LRGUK: variants seen among roughly 807,000 people sequenced by gnomAD.
LRGUK encodes the protein leucine rich repeats and guanylate kinase domain containing.
Under a neutral mutation model 76.0 loss-of-function variants are expected in LRGUK, and 65 were observed. The observed-to-expected ratio is 0.85, with a 90% confidence interval of 0.70 to 1.05. LRGUK has a LOEUF of 1.05. LRGUK is among the 50% of genes least tolerant of loss of function. The probability of loss-of-function intolerance (pLI) is 0.00; values close to 1 mark genes in which losing one functional copy is unlikely to be tolerated. For synonymous variants in LRGUK, 268 were observed against 265.6 expected (o/e 1.01, Z -0.09); for missense variants, 758 against 732.8 (o/e 1.03, Z -0.40).
chr7:134,251,326 T>C (rs1415977591), intron 18 of LRGUK, among the ~76,000 whole-genome samples: 1 of 152,092 alleles, frequency 6.6e-6, no homozygotes, highest in Non-Finnish European at 1.5e-5. Context: ...ATTGGGGTGA[T>C]GGGGCAGAAG....
exon 16 of LRGUK, chr7:134,208,808 C>T: frequency 2.5e-6 from 1 of 399,040 alleles, no homozygotes; most frequent in Non-Finnish European, 4.4e-6. Context: ...GATGACAGAG[C>T]ATCTCTCTGG....
intron 10 of LRGUK, among the ~76,000 whole-genome samples, chr7:134,178,934 A>AAAAAAAAAAAAAAAAAAAAAAACC (rs376955591): frequency 1.3e-5 from 1 of 78,134 alleles, no homozygotes. Flanking sequence ...CTCAAAAAAA[A>AAAAAAAAAAAAAAAAAAAAAAACC]AAAAAAAAAA....
At chr7:134,150,454 TC>T (rs1798168389) in intron 5 of LRGUK, among the ~76,000 whole-genome samples, 1 of 144,304 alleles carries the variant, frequency 6.9e-6, no homozygotes, top group Non-Finnish European at 1.5e-5. Context: ...GAGCGAGACT[TC>T]GTCTCAAAAC....
At chr7:134,129,249 CCTCT>C (rs1007867284) in intron 1 of LRGUK, among the ~76,000 whole-genome samples, 190 of 132,454 alleles carry the variant, frequency 1.4e-3, no homozygotes, top group Non-Finnish European at 2.4e-3. Context: ...TCCCTCCCTC[CCTCT>C]CTCTCTCCCT....
chr7:134,147,139 G>A (rs559119209), intron 4 of LRGUK, among the ~76,000 whole-genome samples: 1 of 152,060 alleles, frequency 6.6e-6, no homozygotes, highest in East Asian at 1.9e-4. Flanking sequence ...TAGGCCGGGC[G>A]CAGTGGCTCA....
downstream of LRGUK, among the ~76,000 whole-genome samples, chr7:134,268,059 G>C (rs1276985720): frequency 2.6e-5 from 4 of 152,136 alleles, no homozygotes; most frequent in East Asian, 7.7e-4. Context: ...TCTTAAATCA[G>C]TAAGCTCCTA....
chr7:134,133,631 CT>C (rs1307207013), intron 1 of LRGUK, among the ~76,000 whole-genome samples: 1 of 152,132 alleles, frequency 6.6e-6, no homozygotes, highest in African/African-American at 2.4e-5. Flanking sequence ...TTTTTTCCCC[CT>C]GATGAATGAG....
intron 2 of LRGUK, among the ~76,000 whole-genome samples, chr7:134,138,376 CT>C (rs1563137374): frequency 6.6e-6 from 1 of 152,164 alleles, no homozygotes; most frequent in Non-Finnish European, 1.5e-5. Context: ...ACTGAATACA[CT>C]TTCTTAGAGT....
chr7:134,156,386 T>C (rs1306630742), intron 5 of LRGUK, among the ~76,000 whole-genome samples: 1 of 152,206 alleles, frequency 6.6e-6, no homozygotes, highest in African/African-American at 2.4e-5. Flanking sequence ...CATTTTCACT[T>C]ATTTGTGTAT....
exon 1 of LRGUK, chr7:134,127,558 A>T (rs1215123805): frequency 6.8e-6 from 11 of 1,614,212 alleles, no homozygotes; most frequent in Non-Finnish European, 9.3e-6. Context: ...CTGCTCCAGC[A>T]GCTCATGCAC....
At chr7:134,262,297 C>A (rs1463814443) in intron 19 of LRGUK, among the ~76,000 whole-genome samples, 1 of 152,186 alleles carries the variant, frequency 6.6e-6, no homozygotes, top group East Asian at 1.9e-4. Flanking sequence ...TCACTTGAAC[C>A]CGGTAGGCGG....
intron 4 of LRGUK, 42 bp downstream of exon 4, chr7:134,143,204 C>A: frequency 1.7e-6 from 2 of 1,179,470 alleles, no homozygotes; most frequent in Non-Finnish European, 2.5e-6. Flanking sequence ...AAGGGGTTTG[C>A]AAAAGTGCAT....
At chr7:134,164,159 A>G (rs1798875175) in intron 7 of LRGUK, among the ~76,000 whole-genome samples, 1 of 152,246 alleles carries the variant, frequency 6.6e-6, no homozygotes, top group African/African-American at 2.4e-5. Flanking sequence ...AGCTAGATTT[A>G]GCCATCCTAC....
intron 10 of LRGUK, among the ~76,000 whole-genome samples, chr7:134,182,960 A>C (rs979467865): frequency 6.6e-6 from 1 of 152,100 alleles, no homozygotes; most frequent in African/African-American, 2.4e-5. Flanking sequence ...GAGTTTCTTC[A>C]TGTTGTTCAG....
chr7:134,194,594 A>T (rs113480675), intron 12 of LRGUK, among the ~76,000 whole-genome samples: 22 of 152,238 alleles, frequency 1.4e-4, no homozygotes, highest in Non-Finnish European at 2.9e-4. Context: ...ATAAAGAATT[A>T]GCCTGGTGTA....
At chr7:134,210,603 C>T (rs1166579848), downstream of LRGUK, among the ~76,000 whole-genome samples, 2 of 152,140 alleles carry the variant, frequency 1.3e-5, no homozygotes, top group African/African-American at 2.4e-5. Flanking sequence ...CCTGCGGAGT[C>T]GCTACAGGAT....
At chr7:134,251,873 T>C (rs1053377709) in intron 18 of LRGUK, among the ~76,000 whole-genome samples, 4 of 152,176 alleles carry the variant, frequency 2.6e-5, no homozygotes. Context: ...ACTTTCCCAA[T>C]GCAGGAAGTA....
chr7:134,190,947 G>GAGCAGTTC (rs1166987204), intron 11 of LRGUK, among the ~76,000 whole-genome samples: 15 of 39,354 alleles, frequency 3.8e-4, no homozygotes, highest in South Asian at 6.7e-4. Flanking sequence ...GTTGAGCGGT[G>GAGCAGTTC]TGGTGGGATG....
chr7:134,237,329 A>C lies in LRGUK; in HGVS notation c.1984-10227A>C, dbSNP rs374635992. ...GGGCCTCCCAAAGTGCTGGGATTACAGGGGTGAGCCACCACACCCAGCTAA... is the reference window on the plus strand; with the variant it reads ...GGGCCTCCCAAAGTGCTGGGATTACCGGGGTGAGCCACCACACCCAGCTAA... On this transcript the variant is annotated intron_variant, in intron 16 of 19. Transcript: ENST00000285928. 2.6e-5 allele frequency among the ~76,000 whole-genome samples: 4 copies of C among 152,308 alleles called. No individual in the cohort carries two copies. The East Asian group carries it at 5.8e-4, about 22-fold the overall frequency.
Sources: gnomAD v4.1 joint callset for allele counts (sites outside exome capture counted in the v4.1 genomes callset) on GRCh38, gnomAD v4.1.1 for gene constraint, MANE v1.5 for transcripts, NCBI Gene and HGNC (gene_info 2026-07-23, HGNC 2026-07-21) for gene names.